Variants in ACOX1 observed in about 807,000 individuals in gnomAD.
ACOX1 encodes acyl-CoA oxidase 1.
ACOX1 carries 41 observed loss-of-function variants against 75.5 expected under a neutral mutation model. That is an observed-to-expected ratio of 0.54 (90% confidence interval 0.42 to 0.70). The LOEUF is 0.70. Ranked by LOEUF, ACOX1 falls within the 30% of genes least tolerant of loss-of-function variation. The probability of loss-of-function intolerance (pLI) is 0.00; values close to 1 mark genes in which losing one functional copy is unlikely to be tolerated. For synonymous variants in ACOX1, 303 were observed against 298.8 expected, an observed-to-expected ratio of 1.01 and a Z score of -0.15; for missense variants, 630 against 837.5, an observed-to-expected ratio of 0.75 and a Z score of 3.06.
chr17:75,946,827 TAAAG>T, intron 13 of ACOX1, 32 bp from the exon 14 acceptor site: 1 of 1,603,896 alleles, frequency 6.2e-7, no homozygotes, highest in Non-Finnish European at 8.5e-7. Flanking sequence ...GAACTACTAA[TAAAG>T]AGTTTGCCAT....
chr17:75,978,888 C>T lies in ACOX1; in HGVS notation c.109+77G>A, dbSNP rs371260744. 8.4e-5 allele frequency: 134 copies of T among 1,601,378 alleles called. No homozygotes were observed. The East Asian group carries it at 2.3e-3, about 28-fold the overall frequency. ...GCTGGGCCAGAGGGCCTAGGCCCCACAGCGCCCCTGACTCCGCATCGAGGG... is the reference window on the plus strand; with the variant it reads ...GCTGGGCCAGAGGGCCTAGGCCCCATAGCGCCCCTGACTCCGCATCGAGGG... On this transcript the variant is annotated intron_variant, in intron 1 of 13. Transcript: ENST00000293217. This position sits in a 1 kb window ranked among gnomAD's most constrained non-coding sequence, Gnocchi z 4.2.
At position 75,978,456 on chromosome 17, in the gene ACOX1, G is replaced by T; in HGVS notation, c.269+78C>A. The T allele has an allele frequency of 6.4e-7, 1 of 1,557,916 alleles. No homozygotes were observed. Among genetic ancestry groups the T allele is most frequent in the Non-Finnish European group, 8.9e-7 (1 of 1,129,932 alleles). ...GTTTGCATCTTCAAACACCAAGCAC[G>T]GTGATGAAAGGCCACCATAGACCGC... On this transcript the variant is annotated intron_variant, in intron 2 of 13. Coordinates refer to ENST00000293217, the MANE Select transcript of ACOX1 (RefSeq NM_004035.7). This position sits in a 1 kb window ranked among gnomAD's most constrained non-coding sequence, Gnocchi z 4.2.
intron 2 of ACOX1, among the ~76,000 whole-genome samples, chr17:75,968,027 T>C (rs1185675649): frequency 6.7e-6 from 1 of 150,326 alleles, no homozygotes; most frequent in Admixed American, 6.6e-5. Flanking sequence ...GCGAGAGCCA[T>C]TGCACCCAGC....
rs1201396304 is a variant in ACOX1, at chr17:75,943,705, G to A, written c.*3043C>T. 3 of 152,200 alleles carry A rather than the reference G, an allele frequency of 2.0e-5. No individual in the cohort carries two copies. The highest frequency in any genetic ancestry group is 4.8e-5 in the African/African-American group (2 of 41,452). 9.4% of individuals were successfully genotyped at this position (152,200 alleles called of 1,614,324 possible). ...TAGTAGTGATATGTTCTAAAGACAAGAACATGAGGGCCCCAAAGCCTGTGT... is the reference window on the plus strand; with the variant it reads ...TAGTAGTGATATGTTCTAAAGACAAAAACATGAGGGCCCCAAAGCCTGTGT... On this transcript the variant is annotated 3_prime_UTR_variant, in exon 14 of 14. Transcript: ENST00000293217.
intron 3 of ACOX1, among the ~76,000 whole-genome samples, chr17:75,958,762 C>A (rs1209927899): frequency 6.8e-6 from 1 of 147,690 alleles, no homozygotes; most frequent in Non-Finnish European, 1.5e-5. Context: ...GAGCTGAGAT[C>A]GCGCCACTGC....
At position 75,973,919 on chromosome 17, in the gene ACOX1, T is replaced by C. The variant is rs1163745371; in HGVS notation, c.269+4615A>G. On this transcript the variant is annotated intron_variant, in intron 2 of 13. Coordinates refer to ENST00000293217, the MANE Select transcript of ACOX1 (RefSeq NM_004035.7). ...AACCCCCTTCTTATGAAATTAAATA[T>C]AAGATTTACCATTTTACTACCTAAA... 18 of 875,204 alleles carry C rather than the reference T, an allele frequency of 2.1e-5. No homozygotes were observed. The East Asian group carries it at 4.5e-4, about 22-fold the overall frequency. The allele number at this position is 875,204 out of a possible 1,614,324, so 54.2% of individuals were successfully genotyped here.
intron 2 of ACOX1, among the ~76,000 whole-genome samples, chr17:75,975,021 G>C (rs1264734312): frequency 2.4e-5 from 3 of 125,998 alleles, no homozygotes; most frequent in Non-Finnish European, 4.7e-5. Flanking sequence ...CTGCACTCCA[G>C]CCTGGGCGAC....
At chr17:75,956,927 C>A (rs1373838439) in intron 4 of ACOX1, among the ~76,000 whole-genome samples, 2 of 30,286 alleles carry the variant, frequency 6.6e-5, no homozygotes, top group Non-Finnish European at 1.2e-4. Flanking sequence ...CTCTCTCTCT[C>A]TCTCTCTCTC....
chr17:75,960,130 C>T lies in ACOX1; in HGVS notation c.430+85G>A. On this transcript the variant is annotated intron_variant, in intron 3 of 13. Coordinates refer to ENST00000293217, the MANE Select transcript of ACOX1 (RefSeq NM_004035.7). This position sits in a 1 kb window ranked among gnomAD's most constrained non-coding sequence, Gnocchi z 4.4. Reference sequence around the variant, plus strand: ...AACAGACCATAGAACATCGACACACCATCGATGGCACATGGTGGGCACTCC... The same window carrying T: ...AACAGACCATAGAACATCGACACACTATCGATGGCACATGGTGGGCACTCC... The T allele has an allele frequency of 6.5e-7, 1 of 1,533,266 alleles. No individual in the cohort carries two copies. Among genetic ancestry groups the T allele is most frequent in the East Asian group, 2.3e-5 (1 of 44,174 alleles). The allele number at this position is 1,533,266 out of a possible 1,614,324, so 95.0% of individuals were successfully genotyped here.
intron 3 of ACOX1, among the ~76,000 whole-genome samples, chr17:75,958,040 T>A (rs1489242304): frequency 6.6e-6 from 1 of 152,142 alleles, no homozygotes; most frequent in Non-Finnish European, 1.5e-5. Flanking sequence ...AGGAAGACAT[T>A]TCAGCCAAAA....
At chr17:75,966,527 G>A in intron 2 of ACOX1, among the ~76,000 whole-genome samples, 1 of 151,370 alleles carries the variant, frequency 6.6e-6, no homozygotes, top group Non-Finnish European at 1.5e-5. Context: ...GTCTTGGCTG[G>A]GCACGGTGGC....
chr17:75,947,474 C>T (rs939434865), intron 13 of ACOX1, among the ~76,000 whole-genome samples: 1 of 151,900 alleles, frequency 6.6e-6, no homozygotes, highest in Non-Finnish European at 1.5e-5. Context: ...CTCAAACTCC[C>T]GACCTCAGGT....
chr17:75,962,933 C>A (rs1267963430), intron 2 of ACOX1, among the ~76,000 whole-genome samples: 1 of 151,970 alleles, frequency 6.6e-6, no homozygotes, highest in Non-Finnish European at 1.5e-5. Context: ...GAGTTCAAGA[C>A]CAGCCTGGTC....
At position 75,951,878 on chromosome 17, in the gene ACOX1, G is replaced by A. The variant is rs557335391; in HGVS notation, c.945-301C>T. 2.1e-5 allele frequency among the ~76,000 whole-genome samples: 3 copies of A among 142,634 alleles called. No individual in the cohort carries two copies. In the South Asian group the frequency reaches 6.6e-4, roughly 31 times the overall value. 93.6% of individuals were successfully genotyped at this position (142,634 alleles called of 152,430 possible). A position where few individuals can be genotyped will look rare whatever the true frequency, so the allele number is the denominator to read the frequency against. Reference sequence around the variant, plus strand: ...CACCCAGGCTTTAGTGCAGTGGTGCGATCTTGGCTCACTGCAAGCTCCGCC... The same window carrying A: ...CACCCAGGCTTTAGTGCAGTGGTGCAATCTTGGCTCACTGCAAGCTCCGCC... On this transcript the variant is annotated intron_variant, in intron 7 of 13. Transcript: ENST00000293217.
intron 2 of ACOX1, among the ~76,000 whole-genome samples, chr17:75,976,769 C>G (rs1319556831): frequency 6.6e-6 from 1 of 152,092 alleles, no homozygotes; most frequent in East Asian, 1.9e-4. Flanking sequence ...ACCATTATTA[C>G]CATAAAGGCA....
At chr17:75,951,386 C>T (rs771031948) in intron 8 of ACOX1, 29 bp downstream of exon 8, 2 of 1,613,600 alleles carry the variant, frequency 1.2e-6, no homozygotes, top group South Asian at 1.1e-5. Context: ...CAGAAGGGTG[C>T]CCATGAGTGA....
chr17:75,957,749 G>A (rs1396920700), intron 3 of ACOX1, among the ~76,000 whole-genome samples, 183 bp from the exon 4 acceptor site: 1 of 152,144 alleles, frequency 6.6e-6, no homozygotes, highest in Non-Finnish European at 1.5e-5. Context: ...CACACTATCT[G>A]ATGGTTTCCT....
At chr17:75,970,511 G>GA (rs1314790003) in intron 2 of ACOX1, among the ~76,000 whole-genome samples, 1 of 152,160 alleles carries the variant, frequency 6.6e-6, no homozygotes, top group African/African-American at 2.4e-5. Flanking sequence ...GAGGAAAGAA[G>GA]ACACACTCTA....
intron 6 of ACOX1, among the ~76,000 whole-genome samples, chr17:75,954,961 G>A (rs1232170538): frequency 7.2e-5 from 11 of 151,760 alleles, no homozygotes; most frequent in Non-Finnish European, 1.2e-4. Context: ...TCCGCCTCCC[G>A]GGTTCAAGCT....
Sources: allele counts gnomAD v4.1 joint callset (sites outside exome capture counted in the v4.1 genomes callset), GRCh38; gene constraint gnomAD v4.1.1; non-coding constraint Gnocchi (gnomAD v3.1); transcripts MANE v1.5; gene names NCBI Gene and HGNC (gene_info 2026-07-23, HGNC 2026-07-21).